TRPM6: variants seen among roughly 807,000 people sequenced by gnomAD.
TRPM6 encodes the protein channel kinase 2.
A neutral mutation model predicts 247.6 loss-of-function variants in TRPM6; 111 were observed. The observed-to-expected ratio is 0.45, with a 90% CI of 0.38 to 0.52. The LOEUF (loss-of-function observed/expected upper bound fraction) is 0.52. Among genes scored for constraint, TRPM6 ranks in the 20% least tolerant of loss-of-function variants. TRPM6 has a pLI of 0.00. For missense variants in TRPM6, 2,126 were observed against 2,421.5 expected, an observed-to-expected ratio of 0.88 and a Z score of 2.56; for synonymous variants, 892 against 853.8, an observed-to-expected ratio of 1.04 and a Z score of -0.78.
intron 20 of TRPM6, among the ~76,000 whole-genome samples, chr9:74,786,394 T>C (rs1014278028): frequency 1.3e-5 from 2 of 152,232 alleles, no homozygotes; most frequent in Non-Finnish European, 2.9e-5. Flanking sequence ...GCACTTTTTC[T>C]AGCTTTCAAT....
At chr9:74,807,112 C>A (rs1828551449) in intron 14 of TRPM6, among the ~76,000 whole-genome samples, 1 of 152,156 alleles carries the variant, frequency 6.6e-6, no homozygotes, top group Non-Finnish European at 1.5e-5. Flanking sequence ...TCAGATTTGG[C>A]TTTCCTGTTT....
intron 31 of TRPM6, 73 bp from the exon 32 acceptor site, chr9:74,744,218 T>A: frequency 6.8e-7 from 1 of 1,475,380 alleles, no homozygotes; most frequent in Non-Finnish European, 9.5e-7. Flanking sequence ...ATATATTGCC[T>A]TCAAAGTTAT....
intron 27 of TRPM6, among the ~76,000 whole-genome samples, chr9:74,755,778 G>C (rs769799215): frequency 2.0e-5 from 3 of 152,120 alleles, no homozygotes; most frequent in Non-Finnish European, 2.9e-5. Flanking sequence ...TCCCACCTCT[G>C]GAATCTCTAA....
intron 31 of TRPM6, among the ~76,000 whole-genome samples, chr9:74,745,832 C>T (rs937969389): frequency 6.6e-6 from 1 of 152,164 alleles, no homozygotes; most frequent in Non-Finnish European, 1.5e-5. Context: ...GCAAGAGTGA[C>T]TCAGTTCAAC....
chr9:74,870,379 GGGA>G (rs1830983058), intron 1 of TRPM6, among the ~76,000 whole-genome samples: 1 of 152,058 alleles, frequency 6.6e-6, no homozygotes, highest in Admixed American at 6.6e-5. Context: ...ATAGGAGTTT[GGGA>G]TAAAGGATAA....
At chr9:74,776,140 A>G (rs984863698) in intron 23 of TRPM6, 64 bp from the exon 24 acceptor site, 1 of 1,423,430 alleles carries the variant, frequency 7.0e-7, no homozygotes, top group African/African-American at 1.4e-5. Context: ...AACAGAGTCT[A>G]TATTTTCCAA....
At chr9:74,785,067 A>G (rs1827597355) in intron 21 of TRPM6, among the ~76,000 whole-genome samples, 1 of 152,166 alleles carries the variant, frequency 6.6e-6, no homozygotes, top group Non-Finnish European at 1.5e-5. Flanking sequence ...TGATCGCACC[A>G]CTGCACTCCA....
At position 74,724,723 on chromosome 9, in the gene TRPM6, G is replaced by T. The variant is rs1341648730; in HGVS notation, c.5959C>A (p.Pro1987Thr). 1 of 1,614,106 alleles carries T rather than the reference G, an allele frequency of 6.2e-7. No homozygotes were observed. The highest frequency in any genetic ancestry group is 2.2e-5 in the East Asian group (1 of 44,870). Residue 1987 changes from proline to threonine, a missense_variant, in exon 39 of 39, where the codon CCT (proline) becomes ACT (threonine). By Grantham distance (38) the Pro-to-Thr change is conservative (BLOSUM62 -1). This residue lies in a region of TRPM6 where 327 missense variants were observed against 397.7 expected (regional missense o/e 0.82). Coordinates refer to ENST00000360774, the MANE Select transcript of TRPM6 (RefSeq NM_017662.5). ...LPDLKRNDYS[P>T]ERINSTFGLE... ...CCAAAGGTGGAATTTATCCTTTCAG[G>T]GGAATAGTCATTTCTTTTTAAATCT...
chr9:74,839,198 C>G (rs1012177357), intron 5 of TRPM6, among the ~76,000 whole-genome samples: 1 of 151,918 alleles, frequency 6.6e-6, no homozygotes, highest in African/African-American at 2.4e-5. Flanking sequence ...AGTTCTCAAT[C>G]CTGGCTGACA....
chr9:74,815,488 T>C (rs1828894127), intron 11 of TRPM6, among the ~76,000 whole-genome samples: 1 of 152,030 alleles, frequency 6.6e-6, no homozygotes, highest in African/African-American at 2.4e-5. Context: ...TCAAAATGAA[T>C]GAGTAAACAA....
At chr9:74,839,992 A>T in intron 5 of TRPM6, 32 bp downstream of exon 5, 1 of 1,493,820 alleles carries the variant, frequency 6.7e-7, no homozygotes, top group Non-Finnish European at 9.2e-7. Context: ...GGTGAAAGAG[A>T]GGGTGGGAGA....
chr9:74,741,362 T>A (rs926292505), intron 33 of TRPM6, among the ~76,000 whole-genome samples: 1 of 152,088 alleles, frequency 6.6e-6, no homozygotes, highest in African/African-American at 2.4e-5. Context: ...AACACGGTAC[T>A]GGTTTACCAA....
chr9:74,800,037 C>G (rs1828257374), intron 17 of TRPM6: 1 of 581,290 alleles, frequency 1.7e-6, no homozygotes. Context: ...CGCTCTGTCG[C>G]TCAGTCGCAG....
intron 6 of TRPM6, among the ~76,000 whole-genome samples, chr9:74,830,288 G>A (rs918873586): frequency 6.6e-6 from 1 of 151,214 alleles, no homozygotes; most frequent in Admixed American, 6.6e-5. Flanking sequence ...TAACAGAAGG[G>A]TAGAGCTTGA....
intron 6 of TRPM6, among the ~76,000 whole-genome samples, chr9:74,833,005 T>G (rs969493021): frequency 2.0e-5 from 3 of 151,058 alleles, no homozygotes; most frequent in Non-Finnish European, 4.4e-5. Context: ...GAGCCAAGAC[T>G]GCGCCACTAC....
intron 1 of TRPM6, among the ~76,000 whole-genome samples, chr9:74,876,815 A>G (rs1831204620): frequency 6.6e-6 from 1 of 152,204 alleles, no homozygotes; most frequent in Non-Finnish European, 1.5e-5. Context: ...GAGAAGCCTC[A>G]GGCCTTTACA....
intron 5 of TRPM6, among the ~76,000 whole-genome samples, 159 bp downstream of exon 5, chr9:74,839,865 G>GGAAA: frequency 1.5e-5 from 1 of 66,698 alleles, no homozygotes. Flanking sequence ...GAGGAAGGAA[G>GGAAA]GAAGGAAGGA....
Position 74,887,914 on chromosome 9 carries a change from G to T in TRPM6, c.-58C>A, listed in dbSNP as rs1327945235. The T allele has an allele frequency of 7.5e-6, 12 of 1,602,562 alleles. No homozygotes were observed. The African/African-American group carries it at 1.6e-4, about 21-fold the overall frequency. On this transcript the variant is annotated 5_prime_UTR_variant, in exon 1 of 39. The change creates a new upstream start codon in the 5' untranslated region. Coordinates refer to ENST00000360774, the MANE Select transcript of TRPM6 (RefSeq NM_017662.5). The stretch of plus-strand genomic sequence containing the variant: ...GTCTGAGCTTTTAACTGTGGAGGCA[G>T]AAACTCTGGGCTCCACCTCCACACG...
At chr9:74,746,278 A>G (rs1332030192) in intron 31 of TRPM6, among the ~76,000 whole-genome samples, 3 of 152,138 alleles carry the variant, frequency 2.0e-5, no homozygotes, top group South Asian at 4.1e-4. Flanking sequence ...ATGGCAAAAC[A>G]TTATCAGAGT....
Sources: gnomAD v4.1 joint callset for allele counts (sites outside exome capture counted in the v4.1 genomes callset) on GRCh38, gnomAD v4.1.1 for gene constraint, gnomAD v4.1.1 regional missense constraint, MANE v1.5 for transcripts, NCBI Gene and HGNC (gene_info 2026-07-23, HGNC 2026-07-21) for gene names.